The following DGKB variants were observed in gnomAD, a reference collection of about 807,000 sequenced individuals.
DGKB encodes 90 kDa diacylglycerol kinase.
A neutral mutation model predicts 114.3 loss-of-function variants in DGKB; 67 were observed. That is an observed-to-expected ratio of 0.59 (90% CI 0.48 to 0.72). The LOEUF (loss-of-function observed/expected upper bound fraction) is 0.72, where lower values mean the gene tolerates loss of function less well. Among genes scored for constraint, DGKB ranks in the 30% least tolerant of loss-of-function variants. The pLI is 0.00. For missense variants in DGKB, 907 were observed against 975.2 expected (o/e 0.93, Z 0.93); for synonymous variants, 398 against 323.1 (o/e 1.23, Z -2.49).
chr7:14,746,315 C>CA (rs1244780483), intron 4 of DGKB, among the ~76,000 whole-genome samples: 5 of 152,022 alleles, frequency 3.3e-5, no homozygotes, highest in Non-Finnish European at 7.4e-5. Flanking sequence ...GCCTGGGTGT[C>CA]AGAGTGAGAC....
chr7:14,723,749 A>G (rs566600131), intron 5 of DGKB, among the ~76,000 whole-genome samples: 148 of 152,332 alleles, frequency 9.7e-4, no homozygotes, highest in African/African-American at 3.5e-3. Context: ...ATACACATAC[A>G]TACATACACA....
At chr7:14,651,306 AAGTGGGCTTC>A (rs1814437425) in intron 13 of DGKB, among the ~76,000 whole-genome samples, 1 of 152,080 alleles carries the variant, frequency 6.6e-6, no homozygotes, top group Non-Finnish European at 1.5e-5. Context: ...CACCATGATC[AAGTGGGCTTC>A]ATCCCTGGGA....
chr7:14,527,498 G>A (rs1274850616), intron 20 of DGKB, among the ~76,000 whole-genome samples: 1 of 151,994 alleles, frequency 6.6e-6, no homozygotes, highest in Non-Finnish European at 1.5e-5. Context: ...TAGCAATTCT[G>A]CAATTATTAT....
At chr7:14,219,749 C>G (rs907626990) in intron 23 of DGKB, among the ~76,000 whole-genome samples, 1 of 151,626 alleles carries the variant, frequency 6.6e-6, no homozygotes, top group African/African-American at 2.4e-5. Flanking sequence ...TTGATAGAGT[C>G]CTTTGAAATG....
intron 23 of DGKB, among the ~76,000 whole-genome samples, chr7:14,208,431 T>C (rs889285423): frequency 2.0e-5 from 3 of 152,012 alleles, no homozygotes; most frequent in Non-Finnish European, 4.4e-5. Flanking sequence ...ATGTTTGAAG[T>C]AGGAGGCAGG....
At chr7:14,772,397 T>A (rs1353432339) in intron 2 of DGKB, among the ~76,000 whole-genome samples, 2 of 151,998 alleles carry the variant, frequency 1.3e-5, no homozygotes, top group African/African-American at 4.8e-5. Flanking sequence ...ACTTCCAAAA[T>A]TTTTTTGAAG....
At chr7:14,348,047 G>A (rs1292322207) in intron 21 of DGKB, among the ~76,000 whole-genome samples, 1 of 151,948 alleles carries the variant, frequency 6.6e-6, no homozygotes, top group African/African-American at 2.4e-5. Flanking sequence ...CTTGCAAACT[G>A]TAGTACAACA....
At chr7:14,604,872 T>C (rs1804199858) in intron 17 of DGKB, among the ~76,000 whole-genome samples, 1 of 152,144 alleles carries the variant, frequency 6.6e-6, no homozygotes. Context: ...ACTAGCTCTC[T>C]AACAGAAGTC....
chr7:14,232,380 A>C (rs114883116), intron 23 of DGKB, among the ~76,000 whole-genome samples: 29,178 of 151,306 alleles, frequency 0.19, 2,978 homozygotes, highest in Non-Finnish European at 0.22. Flanking sequence ...AGTGAAAAAA[A>C]AAAAAAAGAA....
At chr7:14,428,024 T>A (rs1312598410) in intron 21 of DGKB, among the ~76,000 whole-genome samples, 1 of 152,118 alleles carries the variant, frequency 6.6e-6, no homozygotes, top group Non-Finnish European at 1.5e-5. Context: ...GATGGTTCAT[T>A]TATTTTTCAA....
At chr7:14,288,979 G>C (rs1000213436) in intron 23 of DGKB, among the ~76,000 whole-genome samples, 4 of 152,142 alleles carry the variant, frequency 2.6e-5, no homozygotes, top group African/African-American at 9.7e-5. Flanking sequence ...CAGCAATACA[G>C]AATGATGTGA....
At chr7:14,313,672 G>C (rs559948566) in intron 23 of DGKB, among the ~76,000 whole-genome samples, 7 of 152,162 alleles carry the variant, frequency 4.6e-5, no homozygotes, top group Non-Finnish European at 1.0e-4. Flanking sequence ...AGCAGTCTGA[G>C]ATCAAACTGC....
chr7:14,745,574 A>G (rs1833160884), intron 4 of DGKB, among the ~76,000 whole-genome samples: 1 of 152,210 alleles, frequency 6.6e-6, no homozygotes, highest in African/African-American at 2.4e-5. Context: ...GTAGGGAAAT[A>G]AATCAATGTG....
At chr7:14,358,851 C>T (rs552584299) in intron 21 of DGKB, among the ~76,000 whole-genome samples, 3 of 152,148 alleles carry the variant, frequency 2.0e-5, no homozygotes, top group East Asian at 1.9e-4. Context: ...TAAGAAGAAT[C>T]GTGAAAATGA....
chr7:14,357,444 G>T (rs1398695818), intron 21 of DGKB, among the ~76,000 whole-genome samples: 1 of 152,074 alleles, frequency 6.6e-6, no homozygotes. Context: ...CTTTCCATTT[G>T]CTTGGTAGAT....
At chr7:14,440,222 C>T (rs1050976006) in intron 21 of DGKB, among the ~76,000 whole-genome samples, 1 of 152,106 alleles carries the variant, frequency 6.6e-6, no homozygotes, top group African/African-American at 2.4e-5. Flanking sequence ...TTTGCCTAAT[C>T]ACAAGAAACA....
chr7:14,285,329 C>G (rs1800704207), intron 23 of DGKB, among the ~76,000 whole-genome samples: 1 of 152,126 alleles, frequency 6.6e-6, no homozygotes, highest in Non-Finnish European at 1.5e-5. Context: ...AATTACTGCT[C>G]TAATAGAGGG....
At chr7:14,213,715 G>C (rs534357862) in intron 23 of DGKB, among the ~76,000 whole-genome samples, 3 of 152,048 alleles carry the variant, frequency 2.0e-5, no homozygotes, top group Non-Finnish European at 4.4e-5. Context: ...TGCTGTTATT[G>C]CTCTGAGTAA....
chr7:14,558,908 G>C (rs1796253875), intron 20 of DGKB, among the ~76,000 whole-genome samples: 3 of 152,158 alleles, frequency 2.0e-5, no homozygotes, highest in Admixed American at 2.0e-4. Context: ...CTCTAACAAA[G>C]CCAAAACATA....
Sources: gnomAD v4.1 joint callset for allele counts (sites outside exome capture counted in the v4.1 genomes callset) on GRCh38, gnomAD v4.1.1 for gene constraint, MANE v1.5 for transcripts, NCBI Gene and HGNC (gene_info 2026-07-23, HGNC 2026-07-21) for gene names.